CUL3: variants seen among roughly 807,000 people sequenced by gnomAD.
CUL3 encodes cullin-3.
Under a neutral mutation model 89.1 loss-of-function variants are expected in CUL3, and 19 were observed. The ratio of observed to expected loss-of-function variants is 0.21; its 90% confidence interval spans 0.15 to 0.31. The LOEUF (loss-of-function observed/expected upper bound fraction) is 0.31. CUL3 is among the 10% of genes least tolerant of loss of function. The pLI is 1.00. For synonymous variants in CUL3, 351 were observed against 308.4 expected, an observed-to-expected ratio of 1.14 and a Z score of -1.45; for missense variants, 469 against 942.3, an observed-to-expected ratio of 0.50 and a Z score of 6.58.
chr2:224,491,662 G>T (rs1182381495), intron 13 of CUL3, among the ~76,000 whole-genome samples: 1 of 152,110 alleles, frequency 6.6e-6, no homozygotes, highest in Non-Finnish European at 1.5e-5. Context: ...AAGGTGTCTA[G>T]TATTTTCCTA....
chr2:224,580,310 G>A (rs77743020), intron 1 of CUL3, among the ~76,000 whole-genome samples: 1 of 152,156 alleles, frequency 6.6e-6, no homozygotes, highest in South Asian at 2.1e-4. Flanking sequence ...TCTAGGAAAA[G>A]GTCTATTTAA....
chr2:224,510,954 A>C (rs999531571), intron 6 of CUL3, among the ~76,000 whole-genome samples: 1 of 152,194 alleles, frequency 6.6e-6, no homozygotes, highest in Non-Finnish European at 1.5e-5. Context: ...AGTCTACAAA[A>C]ATCTTAAGGT....
At chr2:224,490,412 T>A (rs1429132376) in intron 13 of CUL3, among the ~76,000 whole-genome samples, 1 of 152,062 alleles carries the variant, frequency 6.6e-6, no homozygotes, top group Non-Finnish European at 1.5e-5. Context: ...TCATTGGAGA[T>A]GACTCACACT....
chr2:224,515,264 A>C (rs1260962852), intron 3 of CUL3, among the ~76,000 whole-genome samples: 1 of 152,212 alleles, frequency 6.6e-6, no homozygotes, highest in South Asian at 2.1e-4. Context: ...AGTATTACAT[A>C]ATTAAAACAC....
At chr2:224,553,930 C>T (rs943307197) in intron 2 of CUL3, among the ~76,000 whole-genome samples, 1 of 152,194 alleles carries the variant, frequency 6.6e-6, no homozygotes, top group Non-Finnish European at 1.5e-5. Context: ...CTTTAAGCAA[C>T]TTATAATATA....
intron 3 of CUL3, among the ~76,000 whole-genome samples, chr2:224,529,173 C>A (rs1693594120): frequency 6.6e-6 from 1 of 151,944 alleles, no homozygotes; most frequent in African/African-American, 2.4e-5. Context: ...ATCAATAATT[C>A]AGGCTGTAAT....
intron 1 of CUL3, among the ~76,000 whole-genome samples, chr2:224,564,598 A>G (rs1694994709): frequency 6.6e-6 from 1 of 152,242 alleles, no homozygotes; most frequent in South Asian, 2.1e-4. Context: ...AACAGTACAT[A>G]TAGGGCTCAG....
At chr2:224,499,430 G>GT in intron 11 of CUL3, 1 of 240,340 alleles carries the variant, frequency 4.2e-6, no homozygotes, top group Non-Finnish European at 9.3e-6. Context: ...CAAAGAGGTC[G>GT]TGACAGATAC....
chr2:224,542,495 TTGTG>T (rs10590934), intron 2 of CUL3, among the ~76,000 whole-genome samples: 23 of 150,312 alleles, frequency 1.5e-4, no homozygotes, highest in South Asian at 4.2e-4. Context: ...TTCTGGCTTT[TTGTG>T]TGTGTGTGTG....
At chr2:224,564,337 G>C (rs767797748) in intron 1 of CUL3, among the ~76,000 whole-genome samples, 1 of 152,148 alleles carries the variant, frequency 6.6e-6, no homozygotes, top group Non-Finnish European at 1.5e-5. Flanking sequence ...GAAGGAAAAA[G>C]AATCTGCACT....
At chr2:224,557,554 C>T (rs1694752603) in intron 2 of CUL3, 105 bp downstream of exon 2, 2 of 718,672 alleles carry the variant, frequency 2.8e-6, no homozygotes, top group African/African-American at 1.8e-5. Flanking sequence ...TTTCTATAGG[C>T]TTCTGGCACC....
At chr2:224,511,643 G>T in intron 5 of CUL3, 61 bp from the exon 6 acceptor site, 3 of 932,742 alleles carry the variant, frequency 3.2e-6, no homozygotes, top group Non-Finnish European at 4.7e-6. Flanking sequence ...TTTGCTTTTA[G>T]CTGGGTTTCT....
chr2:224,490,270 TA>T (rs1174092467), intron 13 of CUL3, among the ~76,000 whole-genome samples: 1 of 152,182 alleles, frequency 6.6e-6, no homozygotes, highest in East Asian at 1.9e-4. Context: ...GTGAAAGTAC[TA>T]AAAGTCTCTG....
intron 2 of CUL3, among the ~76,000 whole-genome samples, chr2:224,543,422 A>G (rs1000944663): frequency 6.6e-6 from 1 of 152,232 alleles, no homozygotes; most frequent in Admixed American, 6.5e-5. Context: ...GAGGTACAAT[A>G]ACTCAAAGGT....
At chr2:224,496,316 C>T (rs1370752639) in intron 12 of CUL3, among the ~76,000 whole-genome samples, 2 of 152,196 alleles carry the variant, frequency 1.3e-5, no homozygotes, top group African/African-American at 4.8e-5. Flanking sequence ...GGGCGTGAGC[C>T]ACCACGCCTG....
chr2:224,522,681 T>C (rs936576773), intron 3 of CUL3, among the ~76,000 whole-genome samples: 2 of 151,978 alleles, frequency 1.3e-5, no homozygotes, highest in African/African-American at 4.8e-5. Flanking sequence ...ACAAAAAAAT[T>C]AGCCAGGCGT....
intron 1 of CUL3, among the ~76,000 whole-genome samples, chr2:224,573,762 A>G (rs1695239360): frequency 6.6e-6 from 1 of 152,224 alleles, no homozygotes; most frequent in African/African-American, 2.4e-5. Flanking sequence ...CTAGGCGTAT[A>G]TGTAATATCA....
chr2:224,528,407 C>T (rs1486533350), intron 3 of CUL3, among the ~76,000 whole-genome samples: 2 of 152,180 alleles, frequency 1.3e-5, no homozygotes, highest in Non-Finnish European at 2.9e-5. Context: ...ACATCAGGCC[C>T]AGGGGAACAG....
intron 1 of CUL3, among the ~76,000 whole-genome samples, chr2:224,559,546 C>T (rs1694838980): frequency 1.3e-5 from 2 of 152,154 alleles, no homozygotes; most frequent in South Asian, 4.2e-4. Context: ...ATCTCTCTTT[C>T]CATTTATGGC....
Sources: allele counts gnomAD v4.1 joint callset (sites outside exome capture counted in the v4.1 genomes callset), GRCh38; gene constraint gnomAD v4.1.1; transcripts MANE v1.5; gene names NCBI Gene and HGNC (gene_info 2026-07-23, HGNC 2026-07-21).